MAP2K4: variants seen among roughly 807,000 people sequenced by gnomAD.
The protein encoded by MAP2K4 is dual specificity mitogen-activated protein kinase kinase 4.
A neutral mutation model predicts 48.5 loss-of-function variants in MAP2K4; 4 were observed. The ratio of observed to expected loss-of-function variants is 0.08; its 90% confidence interval spans 0.04 to 0.19. MAP2K4 has a LOEUF of 0.19. Among genes scored for constraint, MAP2K4 ranks in the 10% least tolerant of loss-of-function variants. The pLI is 1.00. For missense variants in MAP2K4, 258 were observed against 493.3 expected (o/e 0.52, Z 4.52); for synonymous variants, 166 against 173.1 (o/e 0.96, Z 0.32).
At chr17:12,026,585 T>C (rs1167270322) in intron 1 of MAP2K4, among the ~76,000 whole-genome samples, 1 of 152,230 alleles carries the variant, frequency 6.6e-6, no homozygotes, top group Non-Finnish European at 1.5e-5. Flanking sequence ...CGTTTATTTG[T>C]TCCGGAAGAG....
At chr17:12,025,442 A>G (rs1969224160) in intron 1 of MAP2K4, among the ~76,000 whole-genome samples, 1 of 152,252 alleles carries the variant, frequency 6.6e-6, no homozygotes, top group Non-Finnish European at 1.5e-5. Context: ...AATAGATTTC[A>G]AAGATCGCTT....
chr17:12,117,378 A>ACCAC (rs1028931693), intron 7 of MAP2K4, among the ~76,000 whole-genome samples: 2 of 152,028 alleles, frequency 1.3e-5, no homozygotes, highest in African/African-American at 4.8e-5. Context: ...ATGCAGGTGC[A>ACCAC]CCACATCTTG....
intron 2 of MAP2K4, among the ~76,000 whole-genome samples, chr17:12,067,331 T>G (rs1245561949): frequency 6.6e-6 from 1 of 152,208 alleles, no homozygotes; most frequent in Non-Finnish European, 1.5e-5. Flanking sequence ...GCCCTTTTCT[T>G]GTCATAGGAG....
At chr17:12,085,824 AGG>A (rs1436746898) in intron 3 of MAP2K4, among the ~76,000 whole-genome samples, 1 of 152,128 alleles carries the variant, frequency 6.6e-6, no homozygotes, top group African/African-American at 2.4e-5. Flanking sequence ...CTGGTTGAGT[AGG>A]CCTCCCTGGT....
At chr17:12,139,706 A>T (rs1973315459) in intron 9 of MAP2K4, 133 bp from the exon 10 acceptor site, 2 of 585,318 alleles carry the variant, frequency 3.4e-6, no homozygotes, top group Non-Finnish European at 6.0e-6. Flanking sequence ...TGTGTTTAGC[A>T]GGCTGTCTGC....
At chr17:12,087,000 C>A (rs1205745633) in intron 3 of MAP2K4, among the ~76,000 whole-genome samples, 1 of 152,096 alleles carries the variant, frequency 6.6e-6, no homozygotes, top group Non-Finnish European at 1.5e-5. Context: ...GCACGCACCA[C>A]CACACCCGGC....
At chr17:12,053,539 G>A (rs1389793281) in intron 1 of MAP2K4, among the ~76,000 whole-genome samples, 1 of 150,868 alleles carries the variant, frequency 6.6e-6, no homozygotes, top group Non-Finnish European at 1.5e-5. Context: ...AATATACTGA[G>A]GGTTTTTGTT....
At chr17:12,076,464 T>C (rs1971012978) in intron 2 of MAP2K4, among the ~76,000 whole-genome samples, 1 of 152,182 alleles carries the variant, frequency 6.6e-6, no homozygotes, top group Non-Finnish European at 1.5e-5. Context: ...ATCCAGAAGA[T>C]AAATTAATAA....
At chr17:12,125,773 A>G (rs1482570550) in intron 8 of MAP2K4, among the ~76,000 whole-genome samples, 1 of 152,206 alleles carries the variant, frequency 6.6e-6, no homozygotes, top group Non-Finnish European at 1.5e-5. Flanking sequence ...TAGTGTGTAT[A>G]TTAAGTATAC....
intron 4 of MAP2K4, among the ~76,000 whole-genome samples, chr17:12,106,989 T>G (rs1177132979): frequency 6.6e-6 from 1 of 152,108 alleles, no homozygotes; most frequent in Non-Finnish European, 1.5e-5. Flanking sequence ...TTCCCAGTCA[T>G]AGGATGATTC....
Position 12,112,358 on chromosome 17 carries a change from G to T in MAP2K4, c.686-875G>T, listed in dbSNP as rs576151727. 6.6e-5 allele frequency among the ~76,000 whole-genome samples: 10 copies of T among 151,812 alleles called. No individual in the cohort carries two copies. The South Asian group carries it at 2.1e-3, about 32-fold the overall frequency. ...CATGCCTGTAATCCCAGCTACTTGG[G>T]AGGCTGAAGCAGAAGAATCGATTGA... On this transcript the variant is annotated intron_variant, in intron 6 of 10. Coordinates refer to ENST00000353533, the MANE Select transcript of MAP2K4 (RefSeq NM_003010.4).
intron 1 of MAP2K4, among the ~76,000 whole-genome samples, chr17:12,050,210 C>T (rs947061517): frequency 2.0e-5 from 3 of 152,104 alleles, no homozygotes; most frequent in East Asian, 1.9e-4. Context: ...CATTAGATGG[C>T]GGCAGGGGGC....
At chr17:12,088,942 C>T (rs190831279) in intron 3 of MAP2K4, among the ~76,000 whole-genome samples, 224 of 145,410 alleles carry the variant, frequency 1.5e-3, no homozygotes, top group East Asian at 4.6e-3. Context: ...GACAGAGTCT[C>T]GCTCTGTCAC....
In MAP2K4 at chr17:12,020,892, G is replaced by A. The variant is rs1969005518; in HGVS notation, c.6G>A (p.Ala2=). 1 of 1,211,374 alleles carries A rather than the reference G, an allele frequency of 8.3e-7. No homozygotes were observed. The highest frequency in any genetic ancestry group is 4.4e-5 in the Admixed American group (1 of 22,978). 75.0% of individuals were successfully genotyped at this position (1,211,374 alleles called of 1,614,324 possible). The change falls in exon 1 of 11, where the codon GCG becomes GCA. Residue 2 remains alanine (A), a synonymous_variant. Transcript: ENST00000353533. The part of the protein sequence containing the change: M[A]APSPSGGGGS... ...TCGGCTCTTCACTCCCAACAATGGCGGCTCCGAGCCCGAGCGGCGGCGGCG... is the reference window on the plus strand; with the variant it reads ...TCGGCTCTTCACTCCCAACAATGGCAGCTCCGAGCCCGAGCGGCGGCGGCG...
At chr17:12,059,655 T>C (rs1970389505) in intron 2 of MAP2K4, among the ~76,000 whole-genome samples, 1 of 152,200 alleles carries the variant, frequency 6.6e-6, no homozygotes, top group African/African-American at 2.4e-5. Flanking sequence ...CCAGAGGATC[T>C]CTAGGATTTC....
intron 7 of MAP2K4, among the ~76,000 whole-genome samples, chr17:12,122,914 A>G (rs1377653831): frequency 6.6e-6 from 1 of 152,166 alleles, no homozygotes; most frequent in Non-Finnish European, 1.5e-5. Context: ...CTTCCTTTCT[A>G]TAAATAATGG....
chr17:12,100,857 C>T lies in MAP2K4; in HGVS notation c.513+5163C>T, dbSNP rs1479939924. The stretch of plus-strand genomic sequence containing the variant: ...ATGTGCTTATTTACCAACCGTATAT[C>T]TTTGATGAAGTTCCTGTTAAAATCT... On this transcript the variant is annotated intron_variant, in intron 4 of 10. Coordinates refer to ENST00000353533, the MANE Select transcript of MAP2K4 (RefSeq NM_003010.4). Among the ~76,000 whole-genome samples the T allele has an allele frequency of 2.0e-5, 3 of 152,052 alleles. No homozygotes were observed. In the East Asian group the frequency reaches 5.8e-4, roughly 29 times the overall value.
At chr17:12,131,838 C>T (rs72821286) in intron 9 of MAP2K4, among the ~76,000 whole-genome samples, 113 of 152,052 alleles carry the variant, frequency 7.4e-4, no homozygotes, top group Non-Finnish European at 1.2e-3. Flanking sequence ...TTATATTCGA[C>T]GAAGGACTTT....
intron 2 of MAP2K4, among the ~76,000 whole-genome samples, chr17:12,079,653 C>A (rs958111494): frequency 6.6e-6 from 1 of 152,118 alleles, no homozygotes; most frequent in Admixed American, 6.5e-5. Flanking sequence ...TTTTCAGCTT[C>A]CCTCAGTGGT....
Sources: gnomAD v4.1 joint callset for allele counts (sites outside exome capture counted in the v4.1 genomes callset) on GRCh38, gnomAD v4.1.1 for gene constraint, MANE v1.5 for transcripts, NCBI Gene and HGNC (gene_info 2026-07-23, HGNC 2026-07-21) for gene names.